The following CSNK1G1 variants were observed in gnomAD, a reference collection of about 807,000 sequenced individuals.
The protein encoded by CSNK1G1 is casein kinase 1 gamma 1.
CSNK1G1 carries 22 observed loss-of-function variants against 59.6 expected under a neutral mutation model. The ratio of observed to expected loss-of-function variants is 0.37; its 90% confidence interval spans 0.26 to 0.53. The LOEUF (loss-of-function observed/expected upper bound fraction) is 0.53. Among genes scored for constraint, CSNK1G1 ranks in the 20% least tolerant of loss-of-function variants. The pLI, the probability that CSNK1G1 is intolerant of heterozygous loss-of-function variation, is 0.89. For missense variants in CSNK1G1, 384 were observed against 519.5 expected, an observed-to-expected ratio of 0.74 and a Z score of 2.54; for synonymous variants, 179 against 177.1, an observed-to-expected ratio of 1.01 and a Z score of -0.08.
intron 2 of CSNK1G1, among the ~76,000 whole-genome samples, chr15:64,298,114 C>A (rs930880140): frequency 6.6e-6 from 1 of 152,150 alleles, no homozygotes; most frequent in African/African-American, 2.4e-5. Flanking sequence ...AAACAAAACA[C>A]AATACTACTC....
chr15:64,288,064 C>T (rs932716509), intron 2 of CSNK1G1, among the ~76,000 whole-genome samples: 2 of 152,006 alleles, frequency 1.3e-5, no homozygotes, highest in Admixed American at 1.3e-4. Context: ...TACCTAATAT[C>T]ATGACAAATT....
At chr15:64,204,843 G>C (rs375343795) in intron 8 of CSNK1G1, 22 bp downstream of exon 8, 14 of 1,513,740 alleles carry the variant, frequency 9.2e-6, no homozygotes, top group African/African-American at 1.4e-5. Flanking sequence ...AGTCACACTG[G>C]AATGTCTTTT....
rs2081604916 is a variant in CSNK1G1 at position 64,166,533 on chromosome 15, C to T, written c.*5398G>A. On this transcript the variant is annotated 3_prime_UTR_variant, in exon 12 of 12. Transcript: ENST00000303052. This position sits in a 1 kb window ranked among gnomAD's most constrained non-coding sequence, Gnocchi z 4.5. ...TGGAAGTGAAATGCACATAGATGAA[C>T]ACACGCACTCACGTGCGCACACACA... The T allele has an allele frequency of 6.5e-6, 1 of 152,884 alleles. No homozygotes were observed. The highest frequency in any genetic ancestry group is 2.1e-4 in the South Asian group (1 of 4,840). 9.5% of individuals were successfully genotyped at this position (152,884 alleles called of 1,614,324 possible).
At chr15:64,252,424 G>A (rs2140320036) in intron 3 of CSNK1G1, among the ~76,000 whole-genome samples, 2 of 152,004 alleles carry the variant, frequency 1.3e-5, no homozygotes, top group Middle Eastern at 6.8e-3. Flanking sequence ...TGCCTAGGCT[G>A]GTCCCAAATT....
At chr15:64,345,394 G>T (rs767024316) in intron 1 of CSNK1G1, among the ~76,000 whole-genome samples, 17 of 152,176 alleles carry the variant, frequency 1.1e-4, no homozygotes, top group Non-Finnish European at 1.9e-4. Context: ...ATAAGCAGCA[G>T]CAAACACTAG....
At chr15:64,262,422 T>TA (rs1423212010) in intron 2 of CSNK1G1, among the ~76,000 whole-genome samples, 11 of 152,192 alleles carry the variant, frequency 7.2e-5, no homozygotes, top group Admixed American at 5.9e-4. Context: ...TTTCTATTTT[T>TA]AAAAAATACT....
chr15:64,169,424 G>A lies in CSNK1G1; in HGVS notation c.*2507C>T, dbSNP rs1237422624. On this transcript the variant is annotated 3_prime_UTR_variant, in exon 12 of 12. Coordinates refer to ENST00000303052, the MANE Select transcript of CSNK1G1 (RefSeq NM_022048.5). ...ATTTTTGTATTTTTTGTAGAGACGG[G>A]GTTTCACCATGTTGGCCAGGCTGGT... The A allele has an allele frequency of 2.0e-5, 3 of 152,118 alleles. No individual in the cohort carries two copies. The South Asian group carries it at 6.2e-4, about 31-fold the overall frequency. 9.4% of individuals were successfully genotyped at this position (152,118 alleles called of 1,614,324 possible).
rs751190450 is a variant in CSNK1G1 at position 64,188,054 on chromosome 15, A to G, written c.1108-7600T>C. Among the ~76,000 whole-genome samples, 3 of 152,234 alleles carry G rather than the reference A, an allele frequency of 2.0e-5. No homozygotes were observed. The highest frequency in any genetic ancestry group is 4.4e-5 in the Non-Finnish European group (3 of 68,040). ...TACTTGTAAGTTTCAGGTCTTTACA[A>G]TTCACAGACTTGACACTAACACAAT... On this transcript the variant is annotated intron_variant, in intron 10 of 11. Transcript: ENST00000303052. The surrounding 1 kb of genome is among the most constrained non-coding windows in gnomAD (Gnocchi z 4.2).
In CSNK1G1 at chr15:64,205,026, T is replaced by A. The variant is rs960810779; in HGVS notation, c.766-77A>T. On this transcript the variant is annotated intron_variant, in intron 7 of 11. Transcript: ENST00000303052. Reference sequence around the variant, plus strand: ...AGATTCAATATGTTTTTGGACACAATGGTTGTTTCACTCAAATTCGCAGTA... The same window carrying A: ...AGATTCAATATGTTTTTGGACACAAAGGTTGTTTCACTCAAATTCGCAGTA... 1.2e-5 allele frequency: 10 copies of A among 807,452 alleles called. No homozygotes were observed. In the African/African-American group the frequency reaches 1.8e-4, roughly 14 times the overall value. 50.0% of individuals were successfully genotyped at this position (807,452 alleles called of 1,614,324 possible). A position where few individuals can be genotyped will look rare whatever the true frequency, so the allele number is the denominator to read the frequency against.
intron 2 of CSNK1G1, among the ~76,000 whole-genome samples, chr15:64,297,231 GGATGTGCTAGAGAA>G (rs1895075033): frequency 6.6e-6 from 1 of 152,016 alleles, no homozygotes; most frequent in South Asian, 2.1e-4. Context: ...TGACGAGACA[GGATGTGCTAGAGAA>G]GAAACGTGCT....
At chr15:64,233,799 A>G (rs943641742) in intron 4 of CSNK1G1, among the ~76,000 whole-genome samples, 1 of 152,190 alleles carries the variant, frequency 6.6e-6, no homozygotes, top group Non-Finnish European at 1.5e-5. Flanking sequence ...TTTAAGCTCC[A>G]TTTAAGACTA....
intron 1 of CSNK1G1, among the ~76,000 whole-genome samples, chr15:64,329,115 C>G (rs375947156): frequency 2.0e-5 from 3 of 151,446 alleles, no homozygotes; most frequent in Non-Finnish European, 4.4e-5. Context: ...GACAGATCAA[C>G]GAGACAGAAA....
chr15:64,278,131 T>C (rs7169367), intron 2 of CSNK1G1, among the ~76,000 whole-genome samples: 29,438 of 149,608 alleles, frequency 0.2, 4,026 homozygotes, highest in African/African-American at 0.39. Flanking sequence ...CTGCAACCTC[T>C]GCCCCGCCGG....
intron 4 of CSNK1G1, among the ~76,000 whole-genome samples, chr15:64,217,344 G>C (rs148509240): frequency 5.0e-4 from 76 of 152,260 alleles, no homozygotes; most frequent in African/African-American, 1.8e-3. Flanking sequence ...GAAAGGAAAA[G>C]GGGGAAAAAA....
intron 4 of CSNK1G1, among the ~76,000 whole-genome samples, chr15:64,229,514 C>T (rs750755923): frequency 2.4e-4 from 36 of 149,502 alleles, no homozygotes; most frequent in Non-Finnish European, 4.1e-4. Context: ...TATTCTCTCT[C>T]TTTCTCTCTC....
At chr15:64,279,789 T>C (rs547864861) in intron 2 of CSNK1G1, among the ~76,000 whole-genome samples, 13 of 151,936 alleles carry the variant, frequency 8.6e-5, no homozygotes, top group African/African-American at 2.7e-4. Flanking sequence ...CTGGCCAACA[T>C]AGTGAAATCC....
At chr15:64,230,898 C>T (rs528815358) in intron 4 of CSNK1G1, among the ~76,000 whole-genome samples, 52 of 152,228 alleles carry the variant, frequency 3.4e-4, no homozygotes, top group African/African-American at 1.2e-3. Flanking sequence ...GGCATGAACC[C>T]AGGAGGCAGA....
rs1161880800 is a variant in CSNK1G1 at position 64,259,091 on chromosome 15, C to A, written c.222+110G>T. ...AATGTGGGATCATACACAAAAAAAA[C>A]CCCAAACCATTAGCAGTTTTGCGAA... On this transcript the variant is annotated intron_variant, in intron 3 of 11. Transcript: ENST00000303052. 2.9e-5 allele frequency: 25 copies of A among 857,582 alleles called. No homozygotes were observed. The East Asian group carries it at 4.9e-4, about 17-fold the overall frequency. 53.1% of individuals were successfully genotyped at this position (857,582 alleles called of 1,614,324 possible).
chr15:64,238,313 A>G (rs1432733600), intron 4 of CSNK1G1, among the ~76,000 whole-genome samples: 1 of 151,238 alleles, frequency 6.6e-6, no homozygotes, highest in Non-Finnish European at 1.5e-5. Context: ...ACAAAGCAAG[A>G]TCCCATCTCT....
Sources: allele counts gnomAD v4.1 joint callset (sites outside exome capture counted in the v4.1 genomes callset), GRCh38; gene constraint gnomAD v4.1.1; non-coding constraint Gnocchi (gnomAD v3.1); transcripts MANE v1.5; gene names NCBI Gene and HGNC (gene_info 2026-07-23, HGNC 2026-07-21).